The following COQ6 variants were observed in gnomAD, a reference collection of about 807,000 sequenced individuals.
COQ6 encodes the protein ubiquinone biosynthesis monooxygenase COQ6, mitochondrial.
COQ6 carries 45 observed loss-of-function variants against 55.5 expected under a neutral mutation model. That is an observed-to-expected ratio of 0.81 (90% confidence interval 0.64 to 1.04). The LOEUF is 1.04. Among genes scored for constraint, COQ6 ranks in the 50% least tolerant of loss-of-function variants. The pLI, the probability that COQ6 is intolerant of heterozygous loss-of-function variation, is 0.00. For missense variants in COQ6, 550 were observed against 601.3 expected, an observed-to-expected ratio of 0.91 and a Z score of 0.89; for synonymous variants, 206 against 230.5, an observed-to-expected ratio of 0.89 and a Z score of 0.96.
chr14:73,950,620 C>T (rs2056151366), intron 1 of COQ6, 125 bp downstream of exon 1: 5 of 1,408,976 alleles, frequency 3.5e-6, no homozygotes, highest in Non-Finnish European at 4.7e-6. Flanking sequence ...TTCTCCCCTC[C>T]CCTCCTAGAG....
At chr14:73,957,300 TG>T (rs1316161812) in intron 4 of COQ6, among the ~76,000 whole-genome samples, 1 of 152,096 alleles carries the variant, frequency 6.6e-6, no homozygotes, top group Non-Finnish European at 1.5e-5. Flanking sequence ...GGTTTCACCG[TG>T]GTCTCAATCT....
At chr14:73,959,703 G>A in intron 8 of COQ6, 181 bp downstream of exon 8, 1 of 1,238,576 alleles carries the variant, frequency 8.1e-7, no homozygotes, top group South Asian at 1.4e-5. Context: ...CTAAGTAGCT[G>A]GGACTACAGG....
At position 73,958,152 on chromosome 14, in the gene COQ6, G is replaced by A. The variant is rs375128599; in HGVS notation, c.487G>A (p.Val163Met). The A allele has an allele frequency of 6.3e-5, 101 of 1,613,822 alleles. No homozygotes were observed. Among genetic ancestry groups the A allele is most frequent in the Non-Finnish European group, 8.2e-5 (97 of 1,179,962 alleles). Residue 163 changes from valine to methionine, a missense_variant, in exon 5 of 12, where the codon GTG becomes ATG. Val to Met is a conservative substitution (Grantham distance 21). Transcript: ENST00000334571. ...CTCTCTTTTGACCTCCCCAGACCGA[G>A]TGACGGTTCTCTACAGGAGCAAAGC... ...TKQLEAVSDR[V>M]TVLYRSKAIR...
rs2056381089 is a variant in COQ6, at chr14:73,955,263, CTT to C, written c.299-183_299-182del. The C allele has an allele frequency of 4.7e-6, 3 of 644,028 alleles. No individual in the cohort carries two copies. In the Admixed American group the frequency reaches 7.8e-5, roughly 17 times the overall value. The allele number at this position is 644,028 out of a possible 1,614,324, so 39.9% of individuals were successfully genotyped here. The stretch of plus-strand genomic sequence containing the variant: ...CCACCGCGCCCGGCAGAAGCTGGGT[CTT>C]TTTTCATGCTATACAACCTGGAACT... On this transcript the variant is annotated intron_variant, in intron 2 of 11. Transcript: ENST00000334571.
chr14:73,950,895 CAT>C (rs2056164116), intron 1 of COQ6, among the ~76,000 whole-genome samples: 1 of 152,216 alleles, frequency 6.6e-6, no homozygotes, highest in South Asian at 2.1e-4. Context: ...AATATCCTTT[CAT>C]ATGTTTATTG....
rs143893523 is a variant in COQ6 at position 73,961,211 on chromosome 14, T to G, written c.930T>G (p.Ala310=). The change falls in exon 9 of 12, where the codon GCT becomes GCG. Residue 310 remains alanine (A), a synonymous_variant. Transcript: ENST00000334571. ...DADHTDFIDT[A]GAMLQYAVSL... ...ACCACACGGACTTCATCGACACAGC[T>G]GGTGCCATGCTGCAGTATGCTGTCA... The G allele has an allele frequency of 6.2e-7, 1 of 1,613,976 alleles. No individual in the cohort carries two copies. The highest frequency in any genetic ancestry group is 8.5e-7 in the Non-Finnish European group (1 of 1,180,002).
rs199913054 is a variant in COQ6 at position 73,961,309 on chromosome 14, G to C, written c.1028G>C (p.Arg343Pro). The C allele has an allele frequency of 6.2e-7, 1 of 1,614,174 alleles. No homozygotes were observed. Among genetic ancestry groups the C allele is most frequent in the Non-Finnish European group, 8.5e-7 (1 of 1,180,030 alleles). ...GTAGCCAGGGTGGATGCCAAAAGCCGAGTTCTGTTTCCTCTTGGGTTGGGA... is the reference window on the plus strand; with the variant it reads ...GTAGCCAGGGTGGATGCCAAAAGCCCAGTTCTGTTTCCTCTTGGGTTGGGA... ...PSVARVDAKS[R>P]VLFPLGLGHA... Residue 343 changes from arginine to proline, a missense_variant, in exon 9 of 12, where the codon CGA (arginine) becomes CCA (proline). Arg to Pro is a moderately radical substitution (Grantham distance 103). Coordinates refer to ENST00000334571, the MANE Select transcript of COQ6 (RefSeq NM_182476.3).
At chr14:73,952,105 T>A (rs1222054160) in intron 1 of COQ6, among the ~76,000 whole-genome samples, 1 of 143,068 alleles carries the variant, frequency 7.0e-6, no homozygotes, top group Non-Finnish European at 1.5e-5. Context: ...TCTGTATGGC[T>A]GGAGCTAACT....
rs1186604743 is a variant in COQ6, at chr14:73,955,470, T to C, written c.318T>C (p.His106=). The change falls in exon 3 of 12, where the codon CAT becomes CAC. Residue 106 remains histidine, a synonymous_variant. Coordinates refer to ENST00000334571, the MANE Select transcript of COQ6 (RefSeq NM_182476.3). ...TTGTAGGTTTTGGTGCCTGGGACCA[T>C]ATCTGCAACATGAGATACAGAGCCT... ...TLLSSFGAWD[H]ICNMRYRAFR... is the part of the protein sequence containing the mutation. 3.7e-6 allele frequency: 6 copies of C among 1,614,060 alleles called. No homozygotes were observed. Among genetic ancestry groups the C allele is most frequent in the Non-Finnish European group, 5.1e-6 (6 of 1,179,994 alleles).
At chr14:73,950,062 GAT>G, upstream of COQ6, 1 of 1,609,394 alleles carries the variant, frequency 6.2e-7, no homozygotes, top group East Asian at 2.2e-5. Context: ...CAGTGACAGC[GAT>G]AGTGGCAGCA....
upstream of COQ6, chr14:73,950,210 G>C (rs1367850033): frequency 6.5e-7 from 1 of 1,543,548 alleles, no homozygotes. Context: ...TATTTTCTCC[G>C]CGCATTTTAT....
At chr14:73,952,114 CTTTTTTTTT>C (rs869273031) in intron 1 of COQ6, among the ~76,000 whole-genome samples, 11 of 73,728 alleles carry the variant, frequency 1.5e-4, no homozygotes, top group African/African-American at 4.1e-4. Flanking sequence ...CTGGAGCTAA[CTTTTTTTTT>C]TTTTTTTTTT....
intron 5 of COQ6, 185 bp from the exon 6 acceptor site, chr14:73,958,786 G>A: frequency 6.7e-7 from 1 of 1,500,442 alleles, no homozygotes; most frequent in Non-Finnish European, 8.9e-7. Flanking sequence ...CTTTGGCTCT[G>A]TTGGCTGAGG....
At chr14:73,954,534 A>G (rs2056325318) in intron 2 of COQ6, among the ~76,000 whole-genome samples, 1 of 152,264 alleles carries the variant, frequency 6.6e-6, no homozygotes, top group South Asian at 2.1e-4. Flanking sequence ...CAGCAGGATG[A>G]TGAAGAAAAA....
chr14:73,962,810 C>T, intron 11 of COQ6, 160 bp from the exon 12 acceptor site: 1 of 648,122 alleles, frequency 1.5e-6, no homozygotes, highest in South Asian at 1.9e-5. Context: ...GAGTGAGACC[C>T]TGTCTCTAAA....
At chr14:73,950,021 G>A (rs1338792794), upstream of COQ6, 3 of 1,612,520 alleles carry the variant, frequency 1.9e-6, no homozygotes, top group African/African-American at 4.0e-5. Flanking sequence ...GCCTCCCCAC[G>A]GTCATTTCAG....
chr14:73,960,622 C>T (rs2056672330), intron 8 of COQ6: 1 of 1,038,160 alleles, frequency 9.6e-7, no homozygotes, highest in Admixed American at 5.0e-5. Context: ...TTCTATGTAG[C>T]AGGCTCTGGA....
intron 1 of COQ6, among the ~76,000 whole-genome samples, chr14:73,951,148 C>A (rs928178605): frequency 1.3e-5 from 2 of 152,090 alleles, no homozygotes; most frequent in African/African-American, 4.8e-5. Context: ...AGGAATGCGC[C>A]ACCACTCGGC....
In COQ6 at chr14:73,963,147, C is replaced by T; in HGVS notation, c.*148C>T. 1.3e-6 allele frequency: 1 copy of T among 746,896 alleles called. No homozygotes were observed. The highest frequency in any genetic ancestry group is 1.5e-5 in the South Asian group (1 of 64,926). The allele number at this position is 746,896 out of a possible 1,614,324, so 46.3% of individuals were successfully genotyped here. ...TCTTCTTTGCTTAATGGGCCTGTGG[C>T]ACCCAAATAATGAATGATAATTTGC... On this transcript the variant is annotated 3_prime_UTR_variant, in exon 12 of 12. Transcript: ENST00000334571.
Sources: gnomAD v4.1 joint callset for allele counts (sites outside exome capture counted in the v4.1 genomes callset) on GRCh38, gnomAD v4.1.1 for gene constraint, MANE v1.5 for transcripts, NCBI Gene and HGNC (gene_info 2026-07-23, HGNC 2026-07-21) for gene names.